Variants in DNAJC21 observed in about 807,000 individuals in gnomAD.
The protein encoded by DNAJC21 is DnaJ heat shock protein family (Hsp40) member C21.
A neutral mutation model predicts 72.4 loss-of-function variants in DNAJC21; 63 were observed. The ratio of observed to expected loss-of-function variants is 0.87; its 90% confidence interval spans 0.71 to 1.07. The LOEUF (loss-of-function observed/expected upper bound fraction) is 1.07. DNAJC21 is among the 50% of genes least tolerant of loss of function. DNAJC21 has a pLI of 0.00. For missense variants in DNAJC21, 634 were observed against 644.8 expected (o/e 0.98, Z 0.18); for synonymous variants, 203 against 216.7 (o/e 0.94, Z 0.56).
chr5:34,933,470 A>T (rs540766738), intron 1 of DNAJC21, among the ~76,000 whole-genome samples: 45 of 152,198 alleles, frequency 3.0e-4, no homozygotes, highest in Non-Finnish European at 4.4e-4. Flanking sequence ...ACGGGGTTTC[A>T]CCATGTTGAC....
chr5:34,954,203 A>T, intron 11 of DNAJC21: 1 of 505,114 alleles, frequency 2.0e-6, no homozygotes, highest in Non-Finnish European at 3.4e-6. Flanking sequence ...GCTAGACTGT[A>T]CCAGAACAGT....
chr5:34,936,778 T>A (rs1387516060), intron 4 of DNAJC21, among the ~76,000 whole-genome samples: 1 of 152,174 alleles, frequency 6.6e-6, no homozygotes. Context: ...GAGATGGCAT[T>A]TCACTTCTGT....
intron 1 of DNAJC21, among the ~76,000 whole-genome samples, chr5:34,933,529 G>A (rs570956867): frequency 6.6e-6 from 1 of 152,268 alleles, no homozygotes; most frequent in African/African-American, 2.4e-5. Flanking sequence ...ACCTGCTTCG[G>A]CCTCCTAAAG....
At chr5:34,933,494 T>C (rs1764667053) in intron 1 of DNAJC21, among the ~76,000 whole-genome samples, 1 of 152,180 alleles carries the variant, frequency 6.6e-6, no homozygotes, top group Admixed American at 6.5e-5. Context: ...CAGGCTGGTC[T>C]CAAACTCCTG....
At position 34,957,016 on chromosome 5, in the gene DNAJC21, A is replaced by T. The variant is rs1765556944; in HGVS notation, c.*2302A>T. The T allele has an allele frequency of 6.6e-6, 1 of 152,206 alleles. No individual in the cohort carries two copies. Among genetic ancestry groups the T allele is most frequent in the African/African-American group, 2.4e-5 (1 of 41,470 alleles). 9.4% of individuals were successfully genotyped at this position (152,206 alleles called of 1,614,324 possible). A position where few individuals can be genotyped will look rare whatever the true frequency, so the allele number is the denominator to read the frequency against. On this transcript the variant is annotated 3_prime_UTR_variant, in exon 12 of 12. Coordinates refer to ENST00000648817, the MANE Select transcript of DNAJC21 (RefSeq NM_001012339.3). ...AATTTAAATAAGGTAAATCTTTTTT[A>T]GTTTATATATTTGCAGACTATACAT...
intron 11 of DNAJC21, 97 bp downstream of exon 11, chr5:34,954,098 G>C (rs541956504): frequency 9.3e-7 from 1 of 1,075,420 alleles, no homozygotes; most frequent in East Asian, 2.6e-5. Context: ...GAGCCATTCC[G>C]CAAAGAGCCT....
At chr5:34,951,184 A>T in intron 10 of DNAJC21, 1 of 985,460 alleles carries the variant, frequency 1.0e-6, no homozygotes, top group Non-Finnish European at 1.2e-6. Context: ...AAAAAGGTAT[A>T]TAAAGAACTA....
In DNAJC21 at chr5:34,949,395, T is replaced by G. The variant is rs1580539222; in HGVS notation, c.1186-775T>G. The G allele has an allele frequency of 3.1e-6, 4 of 1,301,772 alleles. No individual in the cohort carries two copies. The East Asian group carries it at 7.8e-5, about 25-fold the overall frequency. 80.6% of individuals were successfully genotyped at this position (1,301,772 alleles called of 1,614,324 possible). ...AGGTACCTGACAACTAAATGCAACA[T>G]GTGATCCTTGATTACACCCCCTATC... On this transcript the variant is annotated intron_variant, in intron 9 of 11. Coordinates refer to ENST00000648817, the MANE Select transcript of DNAJC21 (RefSeq NM_001012339.3).
Position 34,937,196 on chromosome 5 carries a change from C to T in DNAJC21, c.439-130C>T, listed in dbSNP as rs189404718. On this transcript the variant is annotated intron_variant, in intron 4 of 11. Coordinates refer to ENST00000648817, the MANE Select transcript of DNAJC21 (RefSeq NM_001012339.3). ...GAAAGCCTTAAAAGTACTGTCTTCT[C>T]CAGAGATTATTAGAAGTGTTATATA... 4 of 945,976 alleles carry T rather than the reference C, an allele frequency of 4.2e-6. No individual in the cohort carries two copies. The Admixed American group carries it at 1.2e-4, about 29-fold the overall frequency. The allele number at this position is 945,976 out of a possible 1,614,324, so 58.6% of individuals were successfully genotyped here.
Position 34,957,286 on chromosome 5 carries a change from G to A in DNAJC21, c.*2572G>A, listed in dbSNP as rs1765563909. ...TGATTGAAGTTAGCTCAGATGTGGA[G>A]ATTCATAGAATGAGGGTCCAGGAGA... On this transcript the variant is annotated 3_prime_UTR_variant, in exon 12 of 12. Coordinates refer to ENST00000648817, the MANE Select transcript of DNAJC21 (RefSeq NM_001012339.3). 6.6e-6 allele frequency: 1 copy of A among 152,216 alleles called. No homozygotes were observed. The highest frequency in any genetic ancestry group is 1.5e-5 in the Non-Finnish European group (1 of 68,046). The allele number at this position is 152,216 out of a possible 1,614,324, so 9.4% of individuals were successfully genotyped here.
intron 10 of DNAJC21, chr5:34,952,183 T>C (rs992936635): frequency 7.1e-6 from 7 of 985,132 alleles, no homozygotes; most frequent in East Asian, 1.1e-4. Context: ...GTCTTAGATA[T>C]CAGCTTCAGA....
At position 34,933,954 on chromosome 5, in the gene DNAJC21, G is replaced by A. The variant is rs939133902; in HGVS notation, c.191+46G>A. On this transcript the variant is annotated intron_variant, in intron 2 of 11. Coordinates refer to ENST00000648817, the MANE Select transcript of DNAJC21 (RefSeq NM_001012339.3). The stretch of plus-strand genomic sequence containing the variant: ...CCCATCCTAGTTTATGATGTTGGGA[G>A]CAGTTATCAATATAGGTGGTTGTTT... 1.9e-6 allele frequency: 3 copies of A among 1,564,246 alleles called. No individual in the cohort carries two copies. The African/African-American group carries it at 4.1e-5, about 21-fold the overall frequency.
At chr5:34,936,043 A>G in intron 3 of DNAJC21, 101 bp from the exon 4 acceptor site, 1 of 1,514,146 alleles carries the variant, frequency 6.6e-7, no homozygotes, top group Non-Finnish European at 8.8e-7. Context: ...CTTTGTCCCA[A>G]AATTCTTCAA....
chr5:34,941,509 C>T (rs1764988181), intron 7 of DNAJC21, among the ~76,000 whole-genome samples: 1 of 151,546 alleles, frequency 6.6e-6, no homozygotes, highest in Admixed American at 6.6e-5. Context: ...AAGCGTGAGC[C>T]ACTGCATCCA....
chr5:34,938,745 G>A (rs563740865), intron 5 of DNAJC21, 113 bp from the exon 6 acceptor site: 96 of 1,176,826 alleles, frequency 8.2e-5, no homozygotes, highest in Non-Finnish European at 9.8e-5. Flanking sequence ...GTTTGTAAGC[G>A]TGGATAGGTT....
chr5:34,953,346 C>T (rs771846884), intron 10 of DNAJC21, among the ~76,000 whole-genome samples: 3 of 151,966 alleles, frequency 2.0e-5, no homozygotes, highest in Non-Finnish European at 4.4e-5. Flanking sequence ...ACTGCAGTCT[C>T]CACCTCCTGG....
In DNAJC21 at chr5:34,957,253, A is replaced by T. The variant is rs1481753194; in HGVS notation, c.*2539A>T. On this transcript the variant is annotated 3_prime_UTR_variant, in exon 12 of 12. Transcript: ENST00000648817. ...ATCTTATTAGAGGTCAGTGCTAAGT[A>T]CCCATCTTGATTGAAGTTAGCTCAG... The T allele has an allele frequency of 6.6e-6, 1 of 152,220 alleles. No homozygotes were observed. The highest frequency in any genetic ancestry group is 1.5e-5 in the Non-Finnish European group (1 of 68,038). 9.4% of individuals were successfully genotyped at this position (152,220 alleles called of 1,614,324 possible). A position where few individuals can be genotyped will look rare whatever the true frequency, so the allele number is the denominator to read the frequency against.
intron 10 of DNAJC21, chr5:34,951,070 C>T (rs1294944485): frequency 1.0e-5 from 10 of 985,482 alleles, no homozygotes; most frequent in Non-Finnish European, 9.6e-6. Context: ...ACTGGAGCAA[C>T]AGTGATGGGG....
intron 9 of DNAJC21, 90 bp from the exon 10 acceptor site, chr5:34,950,080 G>T (rs533598218): frequency 2.2e-6 from 3 of 1,355,680 alleles, no homozygotes; most frequent in Non-Finnish European, 3.0e-6. Flanking sequence ...TTTATTTCCC[G>T]AAGGTATATA....
Sources: allele counts gnomAD v4.1 joint callset (sites outside exome capture counted in the v4.1 genomes callset), GRCh38; gene constraint gnomAD v4.1.1; transcripts MANE v1.5; gene names NCBI Gene and HGNC (gene_info 2026-07-23, HGNC 2026-07-21).